Variants in SYT14 observed in about 807,000 individuals in gnomAD.
The protein encoded by SYT14 is synaptotagmin 14, also known as synaptotagmin-14.
SYT14 carries 32 observed loss-of-function variants against 74.2 expected under a neutral mutation model. The ratio of observed to expected loss-of-function variants is 0.43; its 90% CI spans 0.33 to 0.58. SYT14 has a LOEUF of 0.58. SYT14 is among the 20% of genes least tolerant of loss of function. The pLI is 0.05. For missense variants in SYT14, 791 were observed against 981.8 expected, an observed-to-expected ratio of 0.81 and a Z score of 2.60; for synonymous variants, 298 against 337.7, an observed-to-expected ratio of 0.88 and a Z score of 1.29.
At chr1:209,972,381 T>A (rs2102757830) in intron 2 of SYT14, among the ~76,000 whole-genome samples, 1 of 152,208 alleles carries the variant, frequency 6.6e-6, no homozygotes, top group Admixed American at 6.5e-5. Flanking sequence ...TTTAGTTATT[T>A]CTTTTTTTCT....
chr1:210,144,104 A>G (rs1192178157), intron 7 of SYT14, among the ~76,000 whole-genome samples: 1 of 152,178 alleles, frequency 6.6e-6, no homozygotes, highest in Non-Finnish European at 1.5e-5. Flanking sequence ...AATTGCTGCT[A>G]ATACGTTTTC....
chr1:209,994,292 A>G (rs922131163), intron 2 of SYT14, among the ~76,000 whole-genome samples: 1 of 152,192 alleles, frequency 6.6e-6, no homozygotes, highest in African/African-American at 2.4e-5. Context: ...CATTTTAAGA[A>G]AGAACCAACT....
intron 7 of SYT14, among the ~76,000 whole-genome samples, chr1:210,140,386 G>A (rs2102668984): frequency 6.6e-6 from 1 of 152,198 alleles, no homozygotes; most frequent in Middle Eastern, 3.4e-3. Flanking sequence ...TGAGCTGTAA[G>A]AGTTCTTTAC....
At chr1:210,157,526 G>A (rs1311836088) in intron 8 of SYT14, among the ~76,000 whole-genome samples, 1 of 151,260 alleles carries the variant, frequency 6.6e-6, no homozygotes, top group Non-Finnish European at 1.5e-5. Context: ...GGTGGATCAC[G>A]AGGTCAGGAG....
chr1:209,999,920 A>G (rs979460111), intron 2 of SYT14, among the ~76,000 whole-genome samples: 3 of 152,186 alleles, frequency 2.0e-5, no homozygotes, highest in South Asian at 4.1e-4. Flanking sequence ...TTCCCAGCAC[A>G]TGGAAATGAT....
chr1:210,128,688 C>G (rs566259492), intron 7 of SYT14, among the ~76,000 whole-genome samples: 1 of 152,302 alleles, frequency 6.6e-6, no homozygotes, highest in East Asian at 1.9e-4. Flanking sequence ...TCATTTGCAT[C>G]AGAATCTTAT....
At chr1:209,946,092 A>C (rs1469029302) in intron 1 of SYT14, among the ~76,000 whole-genome samples, 1 of 152,228 alleles carries the variant, frequency 6.6e-6, no homozygotes. Context: ...ATAAGATGGC[A>C]AACTTAGTTG....
At chr1:210,052,786 A>T (rs781111813) in intron 5 of SYT14, among the ~76,000 whole-genome samples, 30 of 151,974 alleles carry the variant, frequency 2.0e-4, no homozygotes, top group Non-Finnish European at 3.7e-4. Context: ...CCATTTAATA[A>T]GTTGCTAACA....
chr1:210,066,416 A>G (rs2081297205), intron 5 of SYT14, among the ~76,000 whole-genome samples: 1 of 152,160 alleles, frequency 6.6e-6, no homozygotes, highest in Non-Finnish European at 1.5e-5. Flanking sequence ...AATGATTGCC[A>G]TTCTAACTGG....
intron 5 of SYT14, among the ~76,000 whole-genome samples, chr1:210,023,193 C>T (rs1402850012): frequency 6.6e-6 from 1 of 152,154 alleles, no homozygotes; most frequent in East Asian, 1.9e-4. Flanking sequence ...CAGTCATACA[C>T]TGCTAGATAC....
intron 2 of SYT14, among the ~76,000 whole-genome samples, chr1:209,970,256 G>A (rs12078802): frequency 0.05 from 7,625 of 152,192 alleles, 1,036 homozygotes; most frequent in East Asian, 0.41. Context: ...GTGAGAGATA[G>A]GGGTCCAGTT....
chr1:210,005,559 G>A (rs910947054), intron 2 of SYT14, among the ~76,000 whole-genome samples: 4 of 151,920 alleles, frequency 2.6e-5, no homozygotes, highest in African/African-American at 7.2e-5. Flanking sequence ...TTAGATAATT[G>A]TGAAGGAATC....
At chr1:209,981,357 T>G (rs780043193) in intron 2 of SYT14, among the ~76,000 whole-genome samples, 1 of 152,138 alleles carries the variant, frequency 6.6e-6, no homozygotes, top group African/African-American at 2.4e-5. Flanking sequence ...GAAAAAGATT[T>G]TATTTTTTCT....
At chr1:210,049,117 G>C (rs746543717) in intron 5 of SYT14, among the ~76,000 whole-genome samples, 4 of 152,218 alleles carry the variant, frequency 2.6e-5, no homozygotes, top group Non-Finnish European at 4.4e-5. Context: ...GGATGGTGTT[G>C]AGTGTCTGCG....
rs561069342 is a variant in SYT14 at position 210,052,665 on chromosome 1, CAAAA to C, written c.1312+31427_1312+31430del. Among the ~76,000 whole-genome samples the C allele has an allele frequency of 3.4e-3, 143 of 42,276 alleles. 2 individuals are homozygous for C. The highest frequency in any genetic ancestry group is 0.012 in the African/African-American group (108 of 9,262). The allele number at this position is 42,276 out of a possible 152,430, so 27.7% of individuals were successfully genotyped here. ...CAGCAAGAGCGAAACTACATCTCAC[CAAAA>C]AAAAAAAAAAAAAAAGCTCTCCAAG... is the stretch of plus-strand genomic sequence containing the variant. On this transcript the variant is annotated intron_variant, in intron 5 of 9. Transcript: ENST00000637265.
chr1:209,944,790 G>C (rs987964654), intron 1 of SYT14, among the ~76,000 whole-genome samples: 1 of 151,648 alleles, frequency 6.6e-6, no homozygotes, highest in South Asian at 2.1e-4. Flanking sequence ...ATTCAAAAAA[G>C]AGGACAGGTT....
intron 4 of SYT14, among the ~76,000 whole-genome samples, chr1:210,020,221 C>T (rs1216581154): frequency 6.6e-6 from 1 of 152,168 alleles, no homozygotes; most frequent in Non-Finnish European, 1.5e-5. Flanking sequence ...TTCACATCCT[C>T]ATTTTTAATG....
intron 1 of SYT14, among the ~76,000 whole-genome samples, chr1:209,944,783 CA>C (rs980901231): frequency 6.7e-6 from 1 of 149,282 alleles, no homozygotes; most frequent in Admixed American, 6.6e-5. Context: ...AGAAAAAATT[CA>C]AAAAAGAGGA....
chr1:210,045,942 G>A (rs1447160511), intron 5 of SYT14, among the ~76,000 whole-genome samples: 2 of 151,910 alleles, frequency 1.3e-5, no homozygotes, highest in African/African-American at 4.8e-5. Flanking sequence ...TATTATTTTT[G>A]TATCTTGATT....
Sources: gnomAD v4.1 joint callset for allele counts (sites outside exome capture counted in the v4.1 genomes callset) on GRCh38, gnomAD v4.1.1 for gene constraint, MANE v1.5 for transcripts, NCBI Gene and HGNC (gene_info 2026-07-23, HGNC 2026-07-21) for gene names.